The following OAS3 variants were observed in gnomAD, a reference collection of about 807,000 sequenced individuals.
OAS3 encodes 2'-5'-oligoadenylate synthase 3.
In OAS3, 107 loss-of-function variants were observed where a neutral mutation model predicts 113.0. The ratio of observed to expected loss-of-function variants is 0.95; its 90% CI spans 0.81 to 1.11. The LOEUF (loss-of-function observed/expected upper bound fraction) is 1.11, where lower values mean the gene tolerates loss of function less well. Ranked by LOEUF, OAS3 falls within the 50% of genes most tolerant of loss-of-function variation. The probability of loss-of-function intolerance (pLI) is 0.00; values close to 1 mark genes in which losing one functional copy is unlikely to be tolerated. For synonymous variants in OAS3, 552 were observed against 573.6 expected, an observed-to-expected ratio of 0.96 and a Z score of 0.54; for missense variants, 1,258 against 1,389.1, an observed-to-expected ratio of 0.91 and a Z score of 1.50.
intron 1 of OAS3, among the ~76,000 whole-genome samples, chr12:112,940,782 C>A (rs1207954139): frequency 6.6e-6 from 1 of 152,182 alleles, no homozygotes. Context: ...GAGGGCAGAT[C>A]ACTTGAGGTC....
intron 3 of OAS3, chr12:112,944,852 C>T: frequency 3.3e-6 from 2 of 604,728 alleles, no homozygotes; most frequent in Non-Finnish European, 5.9e-6. Flanking sequence ...ATTGTGGATA[C>T]TGATCCTTAT....
chr12:112,950,650 G>A (rs773700527), intron 6 of OAS3, 43 bp from the exon 7 acceptor site: 1 of 1,597,862 alleles, frequency 6.3e-7, no homozygotes, highest in Non-Finnish European at 8.5e-7. Context: ...CGACTCCCAG[G>A]CTCCTAGAGG....
At chr12:112,947,798 C>A (rs1020586447) in intron 4 of OAS3, 148 bp from the exon 5 acceptor site, 1 of 654,406 alleles carries the variant, frequency 1.5e-6, no homozygotes. Context: ...CCTCATTTTG[C>A]GGATAAGGAA....
At chr12:112,967,645 G>A (rs2043947890) in intron 13 of OAS3, 52 bp downstream of exon 13, 1 of 1,569,968 alleles carries the variant, frequency 6.4e-7, no homozygotes, top group Non-Finnish European at 8.7e-7. Context: ...ATCTGCCTCT[G>A]GAGCACTTTC....
intron 6 of OAS3, 54 bp downstream of exon 6, chr12:112,949,259 G>A (rs2043767561): frequency 2.7e-6 from 4 of 1,496,948 alleles, no homozygotes; most frequent in Non-Finnish European, 3.6e-6. Flanking sequence ...ATCAGCGTGG[G>A]GAAGGGAAGG....
Position 112,963,251 on chromosome 12 carries a change from C to A in OAS3, c.2085-62C>A. 2.0e-6 allele frequency: 3 copies of A among 1,486,588 alleles called. No homozygotes were observed. The highest frequency in any genetic ancestry group is 1.8e-6 in the Non-Finnish European group (2 of 1,110,904). 92.1% of individuals were successfully genotyped at this position (1,486,588 alleles called of 1,614,324 possible). A position where few individuals can be genotyped will look rare whatever the true frequency, so the allele number is the denominator to read the frequency against. On this transcript the variant is annotated intron_variant, in intron 9 of 15. Coordinates refer to ENST00000228928, the MANE Select transcript of OAS3 (RefSeq NM_006187.4). The surrounding 1 kb of genome is among the most constrained non-coding windows in gnomAD (Gnocchi z 4.6). ...GCCCTCACGCCCCTTTTCAGCCCTT[C>A]CACCCGCCTCCTCTTTCACTGACTC...
intron 4 of OAS3, among the ~76,000 whole-genome samples, chr12:112,947,519 C>T (rs771931546): frequency 1.3e-5 from 2 of 152,128 alleles, no homozygotes; most frequent in Non-Finnish European, 2.9e-5. Context: ...GTATAGTATT[C>T]CATTGTGTGA....
chr12:112,966,790 C>T (rs1421946843), intron 12 of OAS3, among the ~76,000 whole-genome samples: 2 of 152,154 alleles, frequency 1.3e-5, no homozygotes, highest in East Asian at 3.8e-4. Flanking sequence ...TACAGGTGCA[C>T]ACCACCACAC....
chr12:112,963,770 G>A lies in OAS3; in HGVS notation c.2229+313G>A, dbSNP rs2043910296. 6.6e-6 allele frequency among the ~76,000 whole-genome samples: 1 copy of A among 152,176 alleles called. No homozygotes were observed. Among genetic ancestry groups the A allele is most frequent in the African/African-American group, 2.4e-5 (1 of 41,442 alleles). The stretch of plus-strand genomic sequence containing the variant: ...TGTCTCCGGCTGAGCACCCAGCTTT[G>A]CTGAGCCTCTTCTCTGCCCTCTGCT... On this transcript the variant is annotated intron_variant, in intron 10 of 15. Transcript: ENST00000228928. This position sits in a 1 kb window ranked among gnomAD's most constrained non-coding sequence, Gnocchi z 4.6.
rs200065329 is a variant in OAS3, at chr12:112,946,950, C to A, written c.844C>A (p.Gln282Lys). ...TGGCTTCGAGGACCCTGCAGTTGGG[C>A]AGTTCTTGCAGCGGCAGCTTAAGAG... ...NYGFEDPAVG[Q>K]FLQRQLKRPR... Residue 282 changes from glutamine (Q) to lysine (K), a missense_variant, in exon 4 of 16, where the codon CAG becomes AAG. Physicochemically the swap from Gln to Lys is moderately conservative, Grantham distance 53. Transcript: ENST00000228928. The A allele has an allele frequency of 4.5e-4, 731 of 1,613,926 alleles. 3 individuals are homozygous for A. The highest frequency in any genetic ancestry group is 6.1e-4 in the Non-Finnish European group (718 of 1,179,896).
chr12:112,941,972 C>T, intron 2 of OAS3, 120 bp downstream of exon 2: 1 of 1,231,274 alleles, frequency 8.1e-7, no homozygotes, highest in Non-Finnish European at 1.2e-6. Context: ...CTCTACCCCT[C>T]TCTCAGCCTC....
intron 11 of OAS3, 122 bp from the exon 12 acceptor site, chr12:112,965,622 T>A (rs1447086164): frequency 3.6e-6 from 3 of 829,366 alleles, no homozygotes; most frequent in Middle Eastern, 7.3e-4. Context: ...ATATTAAAGA[T>A]CTAACACAGA....
At chr12:112,953,594 A>G (rs1215022769) in intron 7 of OAS3, among the ~76,000 whole-genome samples, 1 of 152,216 alleles carries the variant, frequency 6.6e-6, no homozygotes, top group Admixed American at 6.5e-5. Flanking sequence ...ACTAGTTTAC[A>G]GTCCCACCAA....
At chr12:112,942,639 G>C (rs1241900759) in intron 2 of OAS3, among the ~76,000 whole-genome samples, 1 of 151,708 alleles carries the variant, frequency 6.6e-6, no homozygotes, top group African/African-American at 2.4e-5. Context: ...GATTGTTTGA[G>C]CCCAGGCAGT....
chr12:112,962,767 A>G lies in OAS3; in HGVS notation c.1949A>G (p.Asn650Ser). 6.2e-7 allele frequency: 1 copy of G among 1,614,022 alleles called. No homozygotes were observed. The highest frequency in any genetic ancestry group is 8.5e-7 in the Non-Finnish European group (1 of 1,179,896). Residue 650 changes from asparagine to serine, a missense_variant, in exon 9 of 16, where the codon AAC becomes AGC. Coordinates refer to ENST00000228928, the MANE Select transcript of OAS3 (RefSeq NM_006187.4). The stretch of plus-strand genomic sequence containing the variant: ...CAGGGCTGCAGGCAGGATTGTTTCA[A>G]CATGGCCCAAGGCTTCCGGACGGTG... ...WEQGCRQDCF[N>S]MAQGFRTVLG...
chr12:112,960,335 T>A (rs1400705642), intron 7 of OAS3, among the ~76,000 whole-genome samples: 3 of 152,094 alleles, frequency 2.0e-5, no homozygotes, highest in Non-Finnish European at 4.4e-5. Flanking sequence ...GGGGATTTTC[T>A]TTTTTCCCCC....
chr12:112,959,651 GT>G (rs1040798162), intron 7 of OAS3, among the ~76,000 whole-genome samples: 23 of 152,062 alleles, frequency 1.5e-4, no homozygotes, highest in South Asian at 1.0e-3. Context: ...CTGTTAGATG[GT>G]TTCTTATCTC....
intron 14 of OAS3, 34 bp from the exon 15 acceptor site, chr12:112,969,574 C>T (rs1156949891): frequency 6.3e-7 from 1 of 1,578,790 alleles, no homozygotes. Flanking sequence ...TAGATGTTGC[C>T]AGGAATAAGA....
At chr12:112,968,919 A>T (rs957804117) in intron 14 of OAS3, among the ~76,000 whole-genome samples, 1 of 152,260 alleles carries the variant, frequency 6.6e-6, no homozygotes, top group African/African-American at 2.4e-5. Context: ...AAATGGGTAC[A>T]GAGATAATAG....
Sources: gnomAD v4.1 joint callset for allele counts (sites outside exome capture counted in the v4.1 genomes callset) on GRCh38, gnomAD v4.1.1 for gene constraint, Gnocchi (gnomAD v3.1) non-coding constraint, MANE v1.5 for transcripts, NCBI Gene and HGNC (gene_info 2026-07-23, HGNC 2026-07-21) for gene names.